Variants in NRK observed in about 807,000 individuals in gnomAD.
NRK encodes Nik related kinase.
Under a neutral mutation model 125.2 loss-of-function variants are expected in NRK, and 67 were observed. That is an observed-to-expected ratio of 0.54 (90% confidence interval 0.44 to 0.66). The LOEUF (loss-of-function observed/expected upper bound fraction) is 0.66. Ranked by LOEUF, NRK falls within the 30% of genes least tolerant of loss-of-function variation. The pLI, the probability that NRK is intolerant of heterozygous loss-of-function variation, is 0.00. For missense variants in NRK, 1,224 were observed against 1,192.9 expected (o/e 1.03, Z -0.38); for synonymous variants, 458 against 429.0 (o/e 1.07, Z -0.84).
At chrX:105,853,553 A>G (rs1031636779) in intron 2 of NRK, among the ~76,000 whole-genome samples, 2 of 112,206 alleles carry the variant, frequency 1.8e-5, no homozygotes, top group Non-Finnish European at 3.8e-5. Flanking sequence ...AAATTTAGGA[A>G]ATAAAAATAT....
chrX:105,841,403 G>A (rs1313468560), intron 2 of NRK, among the ~76,000 whole-genome samples: 6 of 111,925 alleles, frequency 5.4e-5, no homozygotes, highest in African/African-American at 1.9e-4. Flanking sequence ...AGAGCATAAA[G>A]AGAGGGAAAA....
At chrX:105,902,995 G>A (rs891332987) in intron 9 of NRK, among the ~76,000 whole-genome samples, 2 of 111,178 alleles carry the variant, frequency 1.8e-5, no homozygotes, top group Non-Finnish European at 3.8e-5. Flanking sequence ...CTAGTTTCTG[G>A]GTAGGAATTC....
At chrX:105,923,541 T>C in intron 18 of NRK, 59 bp downstream of exon 18, 1 of 902,040 alleles carries the variant, frequency 1.1e-6, no homozygotes, top group Non-Finnish European at 1.5e-6. Flanking sequence ...GCTATTTGCA[T>C]TTTTGGTTTA....
intron 2 of NRK, among the ~76,000 whole-genome samples, chrX:105,847,107 T>G (rs2039413213): frequency 9.0e-6 from 1 of 111,590 alleles, no homozygotes; most frequent in Admixed American, 9.5e-5. Flanking sequence ...AGGAGAATTG[T>G]TAAGTTTTAA....
At chrX:105,925,062 T>C in intron 19 of NRK, 31 bp downstream of exon 19, 1 of 1,035,749 alleles carries the variant, frequency 9.7e-7, no homozygotes. Flanking sequence ...CAGATTGAAC[T>C]CCTCTCATTG....
Position 105,880,275 on chromosome X carries a change from G to T in NRK, c.180+20G>T. On this transcript the variant is annotated intron_variant, in intron 3 of 28. Coordinates refer to ENST00000243300, the MANE Select transcript of NRK (RefSeq NM_198465.4). Reference sequence around the variant, plus strand: ...CGTAAGGTAATATTATAAATTGCCTGTATTCTCTTCCCTTAGTGGACTGTG... The same window carrying T: ...CGTAAGGTAATATTATAAATTGCCTTTATTCTCTTCCCTTAGTGGACTGTG... 1 of 860,332 alleles carries T rather than the reference G, an allele frequency of 1.2e-6. No individual in the cohort carries two copies. The highest frequency in any genetic ancestry group is 1.6e-6 in the Non-Finnish European group (1 of 625,188). The allele number at this position is 860,332 out of a possible 1,213,427, so 70.9% of individuals were successfully genotyped here. A position where few individuals can be genotyped will look rare whatever the true frequency, so the allele number is the denominator to read the frequency against.
In NRK at chrX:105,946,942, C is replaced by A. The variant is rs1038893612; in HGVS notation, c.4353+478C>A. Among the ~76,000 whole-genome samples, 3 of 111,766 alleles carry A rather than the reference C, an allele frequency of 2.7e-5. No homozygotes were observed. In the Admixed American group the frequency reaches 2.9e-4, roughly 11 times the overall value. ...TTTTGCAGTACTTGCTTTAGTTTTT[C>A]TGCACTTCACAATGCATTAACAAAT... On this transcript the variant is annotated intron_variant, in intron 26 of 28. Transcript: ENST00000243300.
intron 2 of NRK, among the ~76,000 whole-genome samples, chrX:105,864,595 G>A (rs2039646779): frequency 9.1e-6 from 1 of 110,369 alleles, no homozygotes. Context: ...CACACACACA[G>A]ACACGCACAC....
intron 4 of NRK, among the ~76,000 whole-genome samples, chrX:105,885,085 C>A (rs898363555): frequency 8.0e-5 from 9 of 112,228 alleles, no homozygotes; most frequent in Non-Finnish European, 1.5e-4. Context: ...GCCACCACGC[C>A]AGGCCAAAAG....
At chrX:105,861,284 C>T (rs1213742173) in intron 2 of NRK, among the ~76,000 whole-genome samples, 2 of 112,075 alleles carry the variant, frequency 1.8e-5, no homozygotes, top group East Asian at 2.8e-4. Context: ...TGGATAAATC[C>T]ATTCAGATCA....
chrX:105,879,082 A>C (rs1205018284), intron 2 of NRK, among the ~76,000 whole-genome samples: 1 of 110,285 alleles, frequency 9.1e-6, no homozygotes, highest in Non-Finnish European at 1.9e-5. Flanking sequence ...GTATCACTGC[A>C]ATTTCTTCTT....
At position 105,935,213 on chromosome X, in the gene NRK, A is replaced by G; in HGVS notation, c.3543A>G (p.Gln1181=). Residue 1181 remains glutamine, a synonymous_variant, in exon 21 of 29, where the codon CAA becomes CAG. Coordinates refer to ENST00000243300, the MANE Select transcript of NRK (RefSeq NM_198465.4). ...FVEVPEESPK[Q]PSEVNVNPLY... ...AAGTACCTGAGGAATCACCTAAGCA[A>G]CCCTCTGAAGTCAATGTTAACCCAC... 8.4e-7 allele frequency: 1 copy of G among 1,196,402 alleles called. No homozygotes were observed.
chrX:105,938,964 A>G (rs1267531019), intron 22 of NRK, among the ~76,000 whole-genome samples: 1 of 111,215 alleles, frequency 9.0e-6, no homozygotes, highest in African/African-American at 3.3e-5. Flanking sequence ...CCCTTATAAA[A>G]CCATCAGATC....
intron 26 of NRK, among the ~76,000 whole-genome samples, chrX:105,947,428 G>A (rs1172209395): frequency 2.3e-5 from 1 of 43,113 alleles, no homozygotes; most frequent in East Asian, 5.6e-4. Context: ...GGGCGACAGA[G>A]CGAGACTCCG....
chrX:105,930,989 T>C (rs766094802), intron 19 of NRK, among the ~76,000 whole-genome samples: 2 of 111,797 alleles, frequency 1.8e-5, no homozygotes, highest in Non-Finnish European at 3.8e-5. Flanking sequence ...TGCCCTCCAG[T>C]GTTGAGCTAT....
At chrX:105,850,307 G>A (rs1413977918) in intron 2 of NRK, among the ~76,000 whole-genome samples, 1 of 111,666 alleles carries the variant, frequency 9.0e-6, no homozygotes, top group African/African-American at 3.3e-5. Flanking sequence ...CACAGCACAG[G>A]GACCCTGGGC....
intron 24 of NRK, among the ~76,000 whole-genome samples, chrX:105,944,826 A>G (rs1345590697): frequency 9.0e-6 from 1 of 111,571 alleles, no homozygotes; most frequent in African/African-American, 3.3e-5. Context: ...TTCTCTCTCT[A>G]TCTATTAATA....
At chrX:105,866,944 C>T (rs1224673018) in intron 2 of NRK, among the ~76,000 whole-genome samples, 1 of 110,425 alleles carries the variant, frequency 9.1e-6, no homozygotes, top group Admixed American at 9.7e-5. Context: ...TTTTCTATCA[C>T]ACACTTCCTA....
At chrX:105,949,935 G>C (rs905938529) in intron 27 of NRK, among the ~76,000 whole-genome samples, 1 of 111,715 alleles carries the variant, frequency 9.0e-6, no homozygotes, top group African/African-American at 3.2e-5. Context: ...GTACCACAAA[G>C]AGACTCATTT....
Sources: gnomAD v4.1 joint callset for allele counts (sites outside exome capture counted in the v4.1 genomes callset) on GRCh38, gnomAD v4.1.1 for gene constraint, MANE v1.5 for transcripts, NCBI Gene and HGNC (gene_info 2026-07-23, HGNC 2026-07-21) for gene names.